Variants in BRAF observed in about 807,000 individuals in gnomAD.
The protein encoded by BRAF is serine/threonine-protein kinase B-raf.
BRAF carries 16 observed loss-of-function variants against 104.6 expected under a neutral mutation model. That is an observed-to-expected ratio of 0.15 (90% CI 0.10 to 0.23). The LOEUF (loss-of-function observed/expected upper bound fraction) is 0.23, where lower values mean the gene tolerates loss of function less well. BRAF is among the 10% of genes least tolerant of loss of function. The pLI is 1.00. For synonymous variants in BRAF, 310 were observed against 341.6 expected, an observed-to-expected ratio of 0.91 and a Z score of 1.02; for missense variants, 541 against 937.3, an observed-to-expected ratio of 0.58 and a Z score of 5.52.
intron 1 of BRAF, among the ~76,000 whole-genome samples, chr7:140,894,159 G>A (rs1240109454): frequency 2.0e-5 from 3 of 152,086 alleles, no homozygotes; most frequent in Non-Finnish European, 4.4e-5. Context: ...GAAATGAAAA[G>A]TGAGTTAGCA....
intron 3 of BRAF, among the ~76,000 whole-genome samples, chr7:140,826,879 A>G (rs1178178737): frequency 2.6e-5 from 4 of 152,204 alleles, no homozygotes; most frequent in African/African-American, 9.6e-5. Flanking sequence ...CCAAGTCCCA[A>G]GAATGATTCT....
intron 5 of BRAF, 34 bp from the exon 6 acceptor site, chr7:140,801,594 C>T: frequency 6.2e-7 from 1 of 1,601,366 alleles, no homozygotes; most frequent in Non-Finnish European, 8.5e-7. Flanking sequence ...ATTTCAAAAA[C>T]TCACAAGAAA....
intron 3 of BRAF, among the ~76,000 whole-genome samples, chr7:140,816,881 T>C (rs1804939047): frequency 6.6e-6 from 1 of 152,108 alleles, no homozygotes; most frequent in Non-Finnish European, 1.5e-5. Flanking sequence ...CCTGAAAGTA[T>C]TCTTCTAAGA....
rs559283966 is a variant in BRAF, at chr7:140,855,705, CA to C, written c.139-5494del. Reference sequence around the variant, plus strand: ...TAAGAAGCTAGCAAAACCTAGATGTCAAAACTCAACAAAGATAACATAAAAA... The same window carrying C: ...TAAGAAGCTAGCAAAACCTAGATGTCAAACTCAACAAAGATAACATAAAAA... On this transcript the variant is annotated intron_variant, in intron 1 of 19. Coordinates refer to ENST00000644969, the MANE Select transcript of BRAF (RefSeq NM_001374258.1). Among the ~76,000 whole-genome samples, 4 of 151,802 alleles carry C rather than the reference CA, an allele frequency of 2.6e-5. No homozygotes were observed. In the South Asian group the frequency reaches 8.3e-4, roughly 32 times the overall value.
At chr7:140,915,713 G>A (rs887545606) in intron 1 of BRAF, among the ~76,000 whole-genome samples, 4 of 151,894 alleles carry the variant, frequency 2.6e-5, no homozygotes, top group African/African-American at 7.3e-5. Flanking sequence ...TGGGATTACA[G>A]GCATGAGCCA....
chr7:140,786,238 T>A (rs1212417916), intron 9 of BRAF, among the ~76,000 whole-genome samples: 1 of 152,180 alleles, frequency 6.6e-6, no homozygotes, highest in Non-Finnish European at 1.5e-5. Context: ...GTCCAGAGTA[T>A]AGAATGCAGG....
chr7:140,888,047 C>T (rs1489833847), intron 1 of BRAF, among the ~76,000 whole-genome samples: 1 of 151,908 alleles, frequency 6.6e-6, no homozygotes, highest in Non-Finnish European at 1.5e-5. Context: ...TAATTTTTTG[C>T]GTTTTTAATA....
At chr7:140,782,039 C>T (rs1245691091) in intron 11 of BRAF, among the ~76,000 whole-genome samples, 1 of 151,994 alleles carries the variant, frequency 6.6e-6, no homozygotes, top group African/African-American at 2.4e-5. Context: ...AGGTATTTCT[C>T]TTAATGCTGT....
chr7:140,859,004 T>C (rs1307245268), intron 1 of BRAF, among the ~76,000 whole-genome samples: 5 of 151,824 alleles, frequency 3.3e-5, no homozygotes, highest in Admixed American at 6.6e-5. Context: ...GGATATAAAA[T>C]CAAGGACATA....
chr7:140,811,383 CAGA>C (rs1032735623), intron 3 of BRAF, among the ~76,000 whole-genome samples: 16 of 152,046 alleles, frequency 1.1e-4, no homozygotes, highest in African/African-American at 3.9e-4. Flanking sequence ...CAGGACTGGC[CAGA>C]AGCTGAGGTG....
chr7:140,729,696 T>C (rs1020850270), intron 19 of BRAF, among the ~76,000 whole-genome samples: 1 of 152,058 alleles, frequency 6.6e-6, no homozygotes, highest in Non-Finnish European at 1.5e-5. Flanking sequence ...GAGAATCACT[T>C]GAACCCGGGA....
chr7:140,726,582 G>C, intron 19 of BRAF: 1 of 1,343,074 alleles, frequency 7.4e-7, no homozygotes, highest in Non-Finnish European at 1.0e-6. Context: ...ACACAGAAAA[G>C]CCTCATTTGA....
intron 1 of BRAF, among the ~76,000 whole-genome samples, chr7:140,873,618 C>G (rs1020784953): frequency 1.3e-5 from 2 of 152,140 alleles, no homozygotes; most frequent in Non-Finnish European, 2.9e-5. Context: ...TAAGTGATAA[C>G]CTCCACTGCA....
chr7:140,828,800 T>C (rs1806369038), intron 3 of BRAF, among the ~76,000 whole-genome samples: 1 of 152,234 alleles, frequency 6.6e-6, no homozygotes, highest in Non-Finnish European at 1.5e-5. Context: ...ACAGTTCTTG[T>C]AAATTTTGAC....
intron 14 of BRAF, among the ~76,000 whole-genome samples, chr7:140,766,067 T>C (rs1206809017): frequency 1.3e-5 from 2 of 151,934 alleles, no homozygotes; most frequent in African/African-American, 4.8e-5. Context: ...CCAACAATGA[T>C]AGACTGGATT....
intron 12 of BRAF, 70 bp from the exon 12 acceptor site, chr7:140,778,145 T>G: frequency 7.2e-7 from 1 of 1,396,318 alleles, no homozygotes; most frequent in Non-Finnish European, 1.0e-6. Flanking sequence ...CATTCTTGGG[T>G]GTTTTCACTA....
rs568055658 is a variant in BRAF at position 140,802,684 on chromosome 7, T to TAAAG, written c.712-1125_712-1124insCTTT. 1.1e-4 allele frequency among the ~76,000 whole-genome samples: 16 copies of TAAAG among 152,164 alleles called. No homozygotes were observed. The South Asian group carries it at 1.5e-3, about 14-fold the overall frequency. On this transcript the variant is annotated intron_variant, in intron 5 of 19. Transcript: ENST00000644969. ...AATAGAAGTTTATAGAATAAGCACA[T>TAAAG]AAAATATTTTTGTATAGCTATATAA...
intron 1 of BRAF, among the ~76,000 whole-genome samples, chr7:140,886,698 C>T (rs1813600680): frequency 6.6e-6 from 1 of 152,158 alleles, no homozygotes; most frequent in South Asian, 2.1e-4. Context: ...ATATTTGATC[C>T]TCACTGAGCT....
At chr7:140,902,914 G>A (rs1396399644) in intron 1 of BRAF, among the ~76,000 whole-genome samples, 1 of 150,746 alleles carries the variant, frequency 6.6e-6, no homozygotes, top group Non-Finnish European at 1.5e-5. Context: ...TCAAAGGACA[G>A]GATGACTTTT....
Sources: gnomAD v4.1 joint callset for allele counts (sites outside exome capture counted in the v4.1 genomes callset) on GRCh38, gnomAD v4.1.1 for gene constraint, MANE v1.5 for transcripts, NCBI Gene and HGNC (gene_info 2026-07-23, HGNC 2026-07-21) for gene names.